PRRC1: variants seen among roughly 807,000 people sequenced by gnomAD.
The protein encoded by PRRC1 is protein PRRC1.
In PRRC1, 39 loss-of-function variants were observed where a neutral mutation model predicts 40.7. The ratio of observed to expected loss-of-function variants is 0.96; its 90% confidence interval spans 0.74 to 1.25. The LOEUF (loss-of-function observed/expected upper bound fraction) is 1.25, where lower values mean the gene tolerates loss of function less well. Among genes scored for constraint, PRRC1 ranks in the 50% most tolerant of loss-of-function variants. PRRC1 has a pLI of 0.00. For missense variants in PRRC1, 573 were observed against 548.3 expected (o/e 1.05, Z -0.45); for synonymous variants, 175 against 193.3 (o/e 0.91, Z 0.79).
intron 1 of PRRC1, among the ~76,000 whole-genome samples, chr5:127,521,505 T>C (rs1434009971): frequency 6.6e-6 from 1 of 152,200 alleles, no homozygotes; most frequent in African/African-American, 2.4e-5. Context: ...TCCCCTCCCT[T>C]GTTCAGGTGT....
At chr5:127,528,401 G>A (rs1767681935) in intron 4 of PRRC1, among the ~76,000 whole-genome samples, 1 of 151,904 alleles carries the variant, frequency 6.6e-6, no homozygotes, top group Non-Finnish European at 1.5e-5. Flanking sequence ...TGCAACCTCT[G>A]CCTTCTGGGT....
At position 127,523,587 on chromosome 5, in the gene PRRC1, A is replaced by G. The variant is rs751989567; in HGVS notation, c.103+5A>G. On this transcript the variant is annotated splice_donor_5th_base_variant and intron_variant, in intron 2 of 8. Coordinates refer to ENST00000296666, the MANE Select transcript of PRRC1 (RefSeq NM_130809.5). Reference sequence around the variant, plus strand: ...CTTCTACCCCTGTTCCATTAGGTACATGTAGTTGTCTAACATCTCGTGTGT... The same window carrying G: ...CTTCTACCCCTGTTCCATTAGGTACGTGTAGTTGTCTAACATCTCGTGTGT... 4.5e-6 allele frequency: 7 copies of G among 1,567,666 alleles called. No homozygotes were observed. The African/African-American group carries it at 8.2e-5, about 18-fold the overall frequency.
At chr5:127,523,170 A>G (rs998209853) in intron 1 of PRRC1, among the ~76,000 whole-genome samples, 8 of 152,174 alleles carry the variant, frequency 5.3e-5, no homozygotes, top group Non-Finnish European at 7.4e-5. Context: ...GTAATTTACT[A>G]TTTGAAATGT....
Position 127,524,753 on chromosome 5 carries a change from A to G in PRRC1, c.326A>G (p.His109Arg), listed in dbSNP as rs1299030574. The G allele has an allele frequency of 8.7e-6, 14 of 1,613,812 alleles. No individual in the cohort carries two copies. The highest frequency in any genetic ancestry group is 1.1e-5 in the Non-Finnish European group (13 of 1,179,992). The change falls in exon 3 of 9, where the codon CAC (histidine) becomes CGC (arginine). Residue 109 changes from histidine (H) to arginine (R), a missense_variant. Physicochemically the swap from His to Arg is conservative, Grantham distance 29 (BLOSUM62 0). Transcript: ENST00000296666. ...GCCTTCGGTAATCCTCCTGTATCTCACTTCCCACCTTCAACTTCTGCCCCA... is the reference window on the plus strand; with the variant it reads ...GCCTTCGGTAATCCTCCTGTATCTCGCTTCCCACCTTCAACTTCTGCCCCA... Reference protein sequence around the residue: ...AAAFGNPPVSHFPPSTSAPNT... With the variant: ...AAAFGNPPVSRFPPSTSAPNT...
In PRRC1 at chr5:127,533,964, A is replaced by G. The variant is rs189809079; in HGVS notation, c.921+178A>G. 2,662 of 697,536 alleles carry G rather than the reference A, an allele frequency of 3.8e-3. 18 individuals are homozygous for G. The highest frequency in any genetic ancestry group is 0.014 in the South Asian group (881 of 64,052). The allele number at this position is 697,536 out of a possible 1,614,324, so 43.2% of individuals were successfully genotyped here. A position where few individuals can be genotyped will look rare whatever the true frequency, so the allele number is the denominator to read the frequency against. On this transcript the variant is annotated intron_variant, in intron 6 of 8. Transcript: ENST00000296666. The stretch of plus-strand genomic sequence containing the variant: ...AAGATATAGTGGAGTTTTAATTTAA[A>G]GAAATTTAAGATAGGTTTTGATTAT...
chr5:127,551,746 T>TC lies in PRRC1; in HGVS notation c.1169dup (p.Gly391ArgfsTer8). The stretch of plus-strand genomic sequence containing the variant: ...TCCCCAGGACTATAATCTGAGGTGG[T>TC]CAGGCCTTTTGGTGACAGTGGGTGA... On this transcript the variant is annotated frameshift_variant, in exon 9 of 9. Transcript: ENST00000296666. LOFTEE classifies it high-confidence loss of function. 1 of 1,614,122 alleles carries TC rather than the reference T, an allele frequency of 6.2e-7. No homozygotes were observed.
Position 127,532,838 on chromosome 5 carries a change from G to A in PRRC1, c.758-785G>A, listed in dbSNP as rs541748306. ...ATTTTCATGAAAAATCTCTTTTGCCGGTGATAACTATTAATGCCAAATATC... is the reference window on the plus strand; with the variant it reads ...ATTTTCATGAAAAATCTCTTTTGCCAGTGATAACTATTAATGCCAAATATC... On this transcript the variant is annotated intron_variant, in intron 5 of 8. Transcript: ENST00000296666. Among the ~76,000 whole-genome samples the A allele has an allele frequency of 7.2e-5, 11 of 152,186 alleles. No individual in the cohort carries two copies. The East Asian group carries it at 1.3e-3, about 19-fold the overall frequency.
At chr5:127,518,997 G>T (rs576792617) in intron 1 of PRRC1, among the ~76,000 whole-genome samples, 1 of 151,998 alleles carries the variant, frequency 6.6e-6, no homozygotes, top group Admixed American at 6.6e-5. Flanking sequence ...TGCCATTACG[G>T]CAGTTTTCAT....
rs1768270468 is a variant in PRRC1, at chr5:127,547,900, G to A, written c.1107G>A (p.Val369=). The change falls in exon 8 of 9, where the codon GTG becomes GTA. Residue 369 remains valine (V), a synonymous_variant. Coordinates refer to ENST00000296666, the MANE Select transcript of PRRC1 (RefSeq NM_130809.5). The part of the protein sequence containing the change: ...HLETFTQATP[V]PLEFVQQAQS... ...AAACATTTACACAAGCCACACCAGT[G>A]CCTTTGGAATTTGTACAGCAGGTTG... is the stretch of plus-strand genomic sequence containing the variant. The A allele has an allele frequency of 1.2e-6, 2 of 1,613,254 alleles. No homozygotes were observed. The highest frequency in any genetic ancestry group is 1.3e-5 in the African/African-American group (1 of 74,882).
intron 2 of PRRC1, among the ~76,000 whole-genome samples, chr5:127,524,315 T>G (rs759103041): frequency 6.6e-5 from 10 of 152,158 alleles, no homozygotes; most frequent in South Asian, 2.1e-4. Context: ...AACAATGCCA[T>G]AGGTTCATAC....
intron 1 of PRRC1, among the ~76,000 whole-genome samples, chr5:127,518,150 G>A (rs1438062269): frequency 6.6e-6 from 1 of 152,198 alleles, no homozygotes; most frequent in Non-Finnish European, 1.5e-5. Context: ...GAGCGCCGGC[G>A]GACCTTAGCC....
chr5:127,544,379 C>T (rs377415158), intron 7 of PRRC1, among the ~76,000 whole-genome samples: 65 of 152,288 alleles, frequency 4.3e-4, no homozygotes, highest in African/African-American at 1.5e-3. Flanking sequence ...TCTCCAGCTG[C>T]GTGCTGGGAG....
chr5:127,548,421 G>A (rs912311857), intron 8 of PRRC1: 3 of 163,518 alleles, frequency 1.8e-5, no homozygotes, highest in Non-Finnish European at 2.6e-5. Flanking sequence ...ACAGTTTCCA[G>A]GAGAATGTAA....
At chr5:127,520,687 G>T (rs1767437045) in intron 1 of PRRC1, among the ~76,000 whole-genome samples, 1 of 152,174 alleles carries the variant, frequency 6.6e-6, no homozygotes, top group South Asian at 2.1e-4. Flanking sequence ...ACATGAGGAA[G>T]TTTCTTTTTA....
chr5:127,533,389 T>A (rs1251964573), intron 5 of PRRC1, among the ~76,000 whole-genome samples: 1 of 152,166 alleles, frequency 6.6e-6, no homozygotes, highest in Non-Finnish European at 1.5e-5. Context: ...GCTTGTGATA[T>A]GTAATGTCAG....
At position 127,552,988 on chromosome 5, in the gene PRRC1, C is replaced by A; in HGVS notation, c.*1072C>A. ...CTATTTCGTGGAAGCCTTTTCCCCTCAAATAATATATTATATCATTTTTGG... is the reference window on the plus strand; with the variant it reads ...CTATTTCGTGGAAGCCTTTTCCCCTAAAATAATATATTATATCATTTTTGG... On this transcript the variant is annotated 3_prime_UTR_variant, in exon 9 of 9. Transcript: ENST00000296666. 1.3e-6 allele frequency: 1 copy of A among 787,638 alleles called. No homozygotes were observed. Among genetic ancestry groups the A allele is most frequent in the Non-Finnish European group, 1.5e-6 (1 of 650,660 alleles). The allele number at this position is 787,638 out of a possible 1,614,324, so 48.8% of individuals were successfully genotyped here. A position where few individuals can be genotyped will look rare whatever the true frequency, so the allele number is the denominator to read the frequency against.
intron 6 of PRRC1, among the ~76,000 whole-genome samples, chr5:127,537,164 A>G (rs951592761): frequency 1.3e-5 from 2 of 151,874 alleles, no homozygotes; most frequent in Admixed American, 1.3e-4. Flanking sequence ...TTCAACAAAT[A>G]TAATATCTAT....
At chr5:127,526,819 A>C (rs1767630160) in intron 4 of PRRC1, 41 bp downstream of exon 4, 25 of 1,435,574 alleles carry the variant, frequency 1.7e-5, no homozygotes, top group Non-Finnish European at 2.2e-5. Context: ...TTCTAATTAT[A>C]AAACTAATAG....
intron 8 of PRRC1, chr5:127,550,547 T>C (rs1224534210): frequency 2.6e-5 from 4 of 152,142 alleles, no homozygotes; most frequent in Non-Finnish European, 5.9e-5. Flanking sequence ...TAGAATACCT[T>C]GTTTCTAAAA....
Sources: gnomAD v4.1 joint callset for allele counts (sites outside exome capture counted in the v4.1 genomes callset) on GRCh38, gnomAD v4.1.1 for gene constraint, MANE v1.5 for transcripts, NCBI Gene and HGNC (gene_info 2026-07-23, HGNC 2026-07-21) for gene names.